Variants in GABRG3 observed in about 807,000 individuals in gnomAD.
The protein encoded by GABRG3 is gamma-aminobutyric acid receptor subunit gamma-3.
GABRG3 carries 25 observed loss-of-function variants against 48.8 expected under a neutral mutation model. The observed-to-expected ratio is 0.51, with a 90% confidence interval of 0.37 to 0.72. The LOEUF (loss-of-function observed/expected upper bound fraction) is 0.72. GABRG3 is among the 30% of genes least tolerant of loss of function. The pLI is 0.00. For synonymous variants in GABRG3, 227 were observed against 217.6 expected (o/e 1.04, Z -0.38); for missense variants, 394 against 577.9 (o/e 0.68, Z 3.26).
At chr15:27,106,498 T>C (rs961361188) in intron 3 of GABRG3, among the ~76,000 whole-genome samples, 4 of 151,894 alleles carry the variant, frequency 2.6e-5, no homozygotes, top group South Asian at 2.1e-4. Context: ...ATTTCAAAGG[T>C]ATCTAAGTTT....
intron 3 of GABRG3, among the ~76,000 whole-genome samples, chr15:27,036,040 C>G (rs1022698315): frequency 3.9e-5 from 6 of 152,122 alleles, no homozygotes; most frequent in Non-Finnish European, 8.8e-5. Context: ...CTGCTATGTG[C>G]AAGATGCTGA....
At chr15:27,469,199 G>A (rs62003777) in intron 5 of GABRG3, among the ~76,000 whole-genome samples, 18,874 of 151,948 alleles carry the variant, frequency 0.12, 1,592 homozygotes, top group Non-Finnish European at 0.18. Context: ...GTTAGTATGG[G>A]TTCCTTACTG....
intron 3 of GABRG3, among the ~76,000 whole-genome samples, chr15:27,321,662 G>A (rs146967827): frequency 6.6e-6 from 1 of 152,132 alleles, no homozygotes; most frequent in Non-Finnish European, 1.5e-5. Flanking sequence ...TCAAGCTAAC[G>A]AGCTGAGGCC....
At chr15:27,102,113 C>T (rs1477235661) in intron 3 of GABRG3, among the ~76,000 whole-genome samples, 1 of 152,164 alleles carries the variant, frequency 6.6e-6, no homozygotes, top group Non-Finnish European at 1.5e-5. Context: ...GGGATGTCTT[C>T]CAAAGTGGAT....
chr15:27,387,236 T>C (rs1895949553), intron 5 of GABRG3, among the ~76,000 whole-genome samples: 1 of 144,856 alleles, frequency 6.9e-6, no homozygotes, highest in Non-Finnish European at 1.5e-5. Context: ...TGATTTCTAA[T>C]TCCTGTTGTA....
At chr15:27,472,164 T>G (rs1385467107) in intron 5 of GABRG3, among the ~76,000 whole-genome samples, 2 of 151,428 alleles carry the variant, frequency 1.3e-5, no homozygotes. Flanking sequence ...GATTTGAATG[T>G]TTTTTTTTAA....
At chr15:27,260,084 T>C (rs1890728807) in intron 3 of GABRG3, among the ~76,000 whole-genome samples, 1 of 152,222 alleles carries the variant, frequency 6.6e-6, no homozygotes, top group Admixed American at 6.5e-5. Flanking sequence ...TATCATGTGT[T>C]GTCCTAGTCT....
rs549248927 is a variant in GABRG3 at position 27,404,108 on chromosome 15, C to G, written c.574+75220C>G. 6.6e-5 allele frequency among the ~76,000 whole-genome samples: 10 copies of G among 152,108 alleles called. No individual in the cohort carries two copies. In the South Asian group the frequency reaches 2.1e-3, roughly 32 times the overall value. On this transcript the variant is annotated intron_variant, in intron 5 of 9. Coordinates refer to ENST00000615808, the MANE Select transcript of GABRG3 (RefSeq NM_033223.5). ...TGGTGGCAGGTGCCTGTAGTCCCAGCTACTTGGGAGGCTGAGGCAGGAGAA... is the reference window on the plus strand; with the variant it reads ...TGGTGGCAGGTGCCTGTAGTCCCAGGTACTTGGGAGGCTGAGGCAGGAGAA...
chr15:27,117,435 C>G (rs1201887685), intron 3 of GABRG3, among the ~76,000 whole-genome samples: 1 of 151,990 alleles, frequency 6.6e-6, no homozygotes, highest in East Asian at 1.9e-4. Context: ...TCATATTATC[C>G]CAGCCTTCTC....
chr15:27,407,875 C>T (rs985325352), intron 5 of GABRG3, among the ~76,000 whole-genome samples: 16 of 152,120 alleles, frequency 1.1e-4, no homozygotes, highest in African/African-American at 3.4e-4. Flanking sequence ...CTACTCTGTA[C>T]GATATTACAA....
intron 3 of GABRG3, among the ~76,000 whole-genome samples, chr15:27,077,134 C>T (rs1896923198): frequency 6.6e-6 from 1 of 152,152 alleles, no homozygotes. Context: ...CACAGTGAGG[C>T]CAAACCATGG....
At chr15:27,174,584 GTCTCTCTCTCTC>G (rs150022606) in intron 3 of GABRG3, among the ~76,000 whole-genome samples, 17 of 139,738 alleles carry the variant, frequency 1.2e-4, no homozygotes, top group East Asian at 6.3e-4. Flanking sequence ...TCTCTCTCTC[GTCTCTCTCTCTC>G]TCTCTCTCTC....
At chr15:27,253,623 CAG>C (rs1475275809) in intron 3 of GABRG3, among the ~76,000 whole-genome samples, 3 of 152,238 alleles carry the variant, frequency 2.0e-5, no homozygotes, top group Non-Finnish European at 2.9e-5. Flanking sequence ...AAGCTGGACA[CAG>C]GGGCAGAGCG....
At chr15:27,276,804 G>T (rs547382592) in intron 3 of GABRG3, among the ~76,000 whole-genome samples, 1 of 152,248 alleles carries the variant, frequency 6.6e-6, no homozygotes, top group African/African-American at 2.4e-5. Flanking sequence ...GTCGAAGCAG[G>T]CTCCAAATTT....
intron 6 of GABRG3, among the ~76,000 whole-genome samples, chr15:27,482,543 A>G (rs1419943850): frequency 6.6e-6 from 1 of 152,226 alleles, no homozygotes; most frequent in Admixed American, 6.5e-5. Flanking sequence ...TCCCTCTCAG[A>G]TAAATGCCCT....
intron 3 of GABRG3, among the ~76,000 whole-genome samples, chr15:27,100,272 A>G (rs546533985): frequency 6.6e-6 from 1 of 152,094 alleles, no homozygotes; most frequent in Admixed American, 6.5e-5. Flanking sequence ...TAAATTCACT[A>G]TCTACCAATA....
chr15:27,340,946 T>C (rs1894152474), intron 5 of GABRG3: 1 of 496,506 alleles, frequency 2.0e-6, no homozygotes, highest in South Asian at 1.5e-5. Context: ...AGAACAGAGA[T>C]TCAATGATGC....
intron 3 of GABRG3, chr15:27,271,581 G>T: frequency 2.3e-6 from 1 of 432,770 alleles, no homozygotes; most frequent in Non-Finnish European, 4.6e-6. Flanking sequence ...TGGCTGCTGG[G>T]TATGCAACCT....
intron 5 of GABRG3, among the ~76,000 whole-genome samples, chr15:27,429,725 C>T (rs894759227): frequency 6.6e-6 from 1 of 152,100 alleles, no homozygotes; most frequent in African/African-American, 2.4e-5. Context: ...GTTTGTCTAC[C>T]TCATAGCTTA....
Sources: gnomAD v4.1 joint callset for allele counts (sites outside exome capture counted in the v4.1 genomes callset) on GRCh38, gnomAD v4.1.1 for gene constraint, MANE v1.5 for transcripts, NCBI Gene and HGNC (gene_info 2026-07-23, HGNC 2026-07-21) for gene names.